The following FBXO32 variants were observed in gnomAD, a reference collection of about 807,000 sequenced individuals.
FBXO32 encodes F-box only protein 32.
FBXO32 carries 15 observed loss-of-function variants against 48.3 expected under a neutral mutation model. That is an observed-to-expected ratio of 0.31 (90% CI 0.21 to 0.48). FBXO32 has a LOEUF of 0.48. FBXO32 is among the 20% of genes least tolerant of loss of function. FBXO32 has a pLI of 0.99. For missense variants in FBXO32, 309 were observed against 432.7 expected, an observed-to-expected ratio of 0.71 and a Z score of 2.54; for synonymous variants, 154 against 165.9, an observed-to-expected ratio of 0.93 and a Z score of 0.55.
intron 7 of FBXO32, among the ~76,000 whole-genome samples, chr8:123,505,378 A>T (rs780394715): frequency 6.6e-6 from 1 of 152,226 alleles, no homozygotes; most frequent in Non-Finnish European, 1.5e-5. Context: ...ATCTGTTTAA[A>T]GTGGGCACAA....
chr8:123,529,496 T>C (rs1817156190), intron 4 of FBXO32, among the ~76,000 whole-genome samples: 1 of 152,208 alleles, frequency 6.6e-6, no homozygotes, highest in Non-Finnish European at 1.5e-5. Flanking sequence ...GAAGTTGAGG[T>C]AAGTCATTCT....
chr8:123,532,737 A>C (rs1817233846), intron 3 of FBXO32, among the ~76,000 whole-genome samples: 1 of 152,242 alleles, frequency 6.6e-6, no homozygotes, highest in Non-Finnish European at 1.5e-5. Context: ...AAAGTACCAT[A>C]CAAATGTAGT....
In FBXO32 at chr8:123,498,905, CA is replaced by C. The variant is rs781402813; in HGVS notation, c.*4467del. 5.9e-5 allele frequency: 9 copies of C among 152,316 alleles called. No individual in the cohort carries two copies. Among genetic ancestry groups the C allele is most frequent in the Non-Finnish European group, 8.8e-5 (6 of 68,028 alleles). 9.4% of individuals were successfully genotyped at this position (152,316 alleles called of 1,614,324 possible). A position where few individuals can be genotyped will look rare whatever the true frequency, so the allele number is the denominator to read the frequency against. ...ACATTAAGTGGCTCCTTAACTTCTC[CA>C]GTAAGAATCAGGGACTTGAAATGGA... On this transcript the variant is annotated 3_prime_UTR_variant, in exon 9 of 9. Coordinates refer to ENST00000517956, the MANE Select transcript of FBXO32 (RefSeq NM_058229.4).
chr8:123,538,952 G>A (rs1029624976), intron 1 of FBXO32, among the ~76,000 whole-genome samples: 1 of 152,156 alleles, frequency 6.6e-6, no homozygotes, highest in African/African-American at 2.4e-5. Context: ...CTAAAGGAGA[G>A]TGACACCAGT....
Position 123,498,120 on chromosome 8 carries a change from A to T in FBXO32, c.*5253T>A, listed in dbSNP as rs964626536. Reference sequence around the variant, plus strand: ...CAACCCCCTCTAATACTTTTCATTTAAAAAAGTACATTAAAGCTTCTAAGC... The same window carrying T: ...CAACCCCCTCTAATACTTTTCATTTTAAAAAGTACATTAAAGCTTCTAAGC... On this transcript the variant is annotated 3_prime_UTR_variant, in exon 9 of 9. Transcript: ENST00000517956. 1.3e-5 allele frequency: 2 copies of T among 152,222 alleles called. No homozygotes were observed. Among genetic ancestry groups the T allele is most frequent in the African/African-American group, 4.8e-5 (2 of 41,452 alleles). The allele number at this position is 152,222 out of a possible 1,614,324, so 9.4% of individuals were successfully genotyped here. A position where few individuals can be genotyped will look rare whatever the true frequency, so the allele number is the denominator to read the frequency against.
chr8:123,523,860 C>T (rs1324579050), intron 4 of FBXO32, among the ~76,000 whole-genome samples: 1 of 152,050 alleles, frequency 6.6e-6, no homozygotes, highest in East Asian at 1.9e-4. Flanking sequence ...AATAAGGTCC[C>T]TAAAGTTGAT....
intron 4 of FBXO32, 23 bp downstream of exon 4, chr8:123,531,875 G>A: frequency 3.7e-6 from 6 of 1,612,828 alleles, no homozygotes; most frequent in Non-Finnish European, 4.2e-6. Context: ...GCCTGGATGA[G>A]CCTTTAGGCA....
At position 123,499,621 on chromosome 8, in the gene FBXO32, A is replaced by G. The variant is rs564720899; in HGVS notation, c.*3752T>C. The G allele has an allele frequency of 2.6e-5, 4 of 152,372 alleles. No homozygotes were observed. Among genetic ancestry groups the G allele is most frequent in the Admixed American group, 6.5e-5 (1 of 15,312 alleles). The allele number at this position is 152,372 out of a possible 1,614,324, so 9.4% of individuals were successfully genotyped here. A position where few individuals can be genotyped will look rare whatever the true frequency, so the allele number is the denominator to read the frequency against. ...CCCTTCAGCCTGGCAGAAAAACATA[A>G]ACTCAGGTGTATATTTTATAATAAA... On this transcript the variant is annotated 3_prime_UTR_variant, in exon 9 of 9. Transcript: ENST00000517956.
rs1457845252 is a variant in FBXO32, at chr8:123,534,776, A to C, written c.155T>G (p.Phe52Cys). ...TGCAACATCATAGTTCAGGCTGTTG[A>C]AAAGATTCTCCTTATTGTATACCTC... The part of the protein sequence containing the change: ...NKEVYNKENL[F>C]NSLNYDVAAK... Residue 52 changes from phenylalanine to cysteine, a missense_variant, in exon 2 of 9, where the codon TTC becomes TGC. Physicochemically the swap from Phe to Cys is radical, Grantham distance 205. Coordinates refer to ENST00000517956, the MANE Select transcript of FBXO32 (RefSeq NM_058229.4). 1 of 1,613,866 alleles carries C rather than the reference A, an allele frequency of 6.2e-7. No homozygotes were observed. The highest frequency in any genetic ancestry group is 1.1e-5 in the South Asian group (1 of 91,060).
chr8:123,504,869 C>A, intron 7 of FBXO32, 122 bp from the exon 8 acceptor site: 1 of 890,514 alleles, frequency 1.1e-6, no homozygotes, highest in South Asian at 1.7e-5. Context: ...CTACAATAGC[C>A]AGGAAGGAAA....
In FBXO32 at chr8:123,506,464, G is replaced by A. The variant is rs549501146; in HGVS notation, c.762C>T (p.Pro254=). Residue 254 remains proline (P), a synonymous_variant, in exon 7 of 9, where the codon CCC becomes CCT. Coordinates refer to ENST00000517956, the MANE Select transcript of FBXO32 (RefSeq NM_058229.4). The surrounding 1 kb of genome is among the most constrained non-coding windows in gnomAD (Gnocchi z 4.0). ...RDLVSLGQAA[P]DLHVLSEDRL... is the part of the protein sequence containing the mutation. ...GGTCTTCGCTGAGCACGTGCAGGTC[G>A]GGGGCAGCCTGGCCCAGGCTGACCA... 510 of 1,614,068 alleles carry A rather than the reference G, an allele frequency of 3.2e-4. 3 individuals carry two copies. In the South Asian group the frequency reaches 4.1e-3, roughly 13 times the overall value.
At position 123,503,328 on chromosome 8, in the gene FBXO32, C is replaced by T. The variant is rs186353506; in HGVS notation, c.*45G>A. 3.2e-5 allele frequency: 47 copies of T among 1,489,592 alleles called. No homozygotes were observed. The highest frequency in any genetic ancestry group is 3.7e-5 in the Non-Finnish European group (40 of 1,067,976). 92.3% of individuals were successfully genotyped at this position (1,489,592 alleles called of 1,614,324 possible). On this transcript the variant is annotated 3_prime_UTR_variant, in exon 9 of 9. Transcript: ENST00000517956. ...TCCAAATGCCATATTCCCAGCTCTCCAGTCAGCAGGGGGACCCTTCTGAAG... is the reference window on the plus strand; with the variant it reads ...TCCAAATGCCATATTCCCAGCTCTCTAGTCAGCAGGGGGACCCTTCTGAAG...
chr8:123,521,477 A>G (rs1468962466), intron 4 of FBXO32, among the ~76,000 whole-genome samples: 8 of 152,178 alleles, frequency 5.3e-5, no homozygotes, highest in Non-Finnish European at 1.2e-4. Context: ...CCTAGGAGTA[A>G]ATTATTTATA....
rs746877086 is a variant in FBXO32 at position 123,503,336 on chromosome 8, A to G, written c.*37T>C. ...CCATATTCCCAGCTCTCCAGTCAGC[A>G]GGGGGACCCTTCTGAAGTGTTGTCA... On this transcript the variant is annotated 3_prime_UTR_variant, in exon 9 of 9. Transcript: ENST00000517956. 9 of 1,551,144 alleles carry G rather than the reference A, an allele frequency of 5.8e-6. No homozygotes were observed. Among genetic ancestry groups the G allele is most frequent in the Non-Finnish European group, 7.1e-6 (8 of 1,123,072 alleles).
At chr8:123,527,496 G>A (rs185175914) in intron 4 of FBXO32, among the ~76,000 whole-genome samples, 16 of 152,226 alleles carry the variant, frequency 1.1e-4, no homozygotes, top group Non-Finnish European at 1.5e-4. Context: ...GTAAATGTTG[G>A]TGTTTTCTGT....
At position 123,506,481 on chromosome 8, in the gene FBXO32, G is replaced by A; in HGVS notation, c.745C>T (p.Leu249=). ...RLSDGRDLVS[L]GQAAPDLHVL... is the part of the protein sequence containing the mutation. ...TGCAGGTCGGGGGCAGCCTGGCCCA[G>A]GCTGACCAGGTCCCGCCCGTCGCTC... The change falls in exon 7 of 9, where the codon CTG becomes TTG. Residue 249 remains leucine, a synonymous_variant. Coordinates refer to ENST00000517956, the MANE Select transcript of FBXO32 (RefSeq NM_058229.4). The surrounding 1 kb of genome is among the most constrained non-coding windows in gnomAD (Gnocchi z 4.0). The A allele has an allele frequency of 6.2e-7, 1 of 1,614,140 alleles. No homozygotes were observed. The highest frequency in any genetic ancestry group is 8.5e-7 in the Non-Finnish European group (1 of 1,180,020).
At chr8:123,533,619 C>G (rs1234567107) in intron 2 of FBXO32, among the ~76,000 whole-genome samples, 7 of 151,878 alleles carry the variant, frequency 4.6e-5, no homozygotes, top group Admixed American at 4.6e-4. Context: ...ACCAGCCTGG[C>G]CAACATGGTG....
chr8:123,519,023 C>T (rs1816895484), intron 4 of FBXO32, among the ~76,000 whole-genome samples: 1 of 152,098 alleles, frequency 6.6e-6, no homozygotes. Context: ...ACAGGGTCTT[C>T]CTAGTTACCC....
chr8:123,519,589 G>T (rs187078934), intron 4 of FBXO32, among the ~76,000 whole-genome samples: 1 of 148,752 alleles, frequency 6.7e-6, no homozygotes, highest in Admixed American at 6.7e-5. Context: ...ATAATAATAT[G>T]TTGTGACTGG....
Sources: gnomAD v4.1 joint callset for allele counts (sites outside exome capture counted in the v4.1 genomes callset) on GRCh38, gnomAD v4.1.1 for gene constraint, Gnocchi (gnomAD v3.1) non-coding constraint, MANE v1.5 for transcripts, NCBI Gene and HGNC (gene_info 2026-07-23, HGNC 2026-07-21) for gene names.